The following CNTNAP2 variants were observed in gnomAD, a reference collection of about 807,000 sequenced individuals.
CNTNAP2 encodes contactin associated protein 2, also known as contactin-associated protein-like 2.
In CNTNAP2, 98 loss-of-function variants were observed where a neutral mutation model predicts 155.2. The observed-to-expected ratio is 0.63, with a 90% CI of 0.54 to 0.75. The LOEUF is 0.75. CNTNAP2 is among the 30% of genes least tolerant of loss of function. The probability of loss-of-function intolerance (pLI) is 0.00; values close to 1 mark genes in which losing one functional copy is unlikely to be tolerated. For missense variants in CNTNAP2, 1,727 were observed against 1,688.1 expected (o/e 1.02, Z -0.40); for synonymous variants, 651 against 631.2 (o/e 1.03, Z -0.47).
At chr7:146,949,579 A>G (rs926172139) in intron 3 of CNTNAP2, among the ~76,000 whole-genome samples, 1 of 152,186 alleles carries the variant, frequency 6.6e-6, no homozygotes, top group Non-Finnish European at 1.5e-5. Context: ...TGGGGCTACA[A>G]ATACCCTTGC....
intron 9 of CNTNAP2, among the ~76,000 whole-genome samples, chr7:147,371,783 T>C (rs959357314): frequency 6.6e-6 from 1 of 152,178 alleles, no homozygotes; most frequent in African/African-American, 2.4e-5. Context: ...GCACTATGTA[T>C]ACATGTCCTA....
chr7:148,118,457 C>G (rs1804524775), intron 16 of CNTNAP2, among the ~76,000 whole-genome samples, 169 bp downstream of exon 16: 1 of 152,126 alleles, frequency 6.6e-6, no homozygotes, highest in Non-Finnish European at 1.5e-5. Context: ...CAACCTCAGT[C>G]CCTGTCCTTG....
intron 1 of CNTNAP2, among the ~76,000 whole-genome samples, chr7:146,400,671 AATG>A (rs1260634829): frequency 6.6e-6 from 1 of 152,232 alleles, no homozygotes; most frequent in Non-Finnish European, 1.5e-5. Context: ...ACTAGCTTTG[AATG>A]ATAAGTTAAC....
At chr7:148,243,276 C>G (rs946993705) in intron 20 of CNTNAP2, among the ~76,000 whole-genome samples, 1 of 152,164 alleles carries the variant, frequency 6.6e-6, no homozygotes, top group African/African-American at 2.4e-5. Context: ...GGCTTGTGTG[C>G]TTAACCCCAA....
intron 8 of CNTNAP2, among the ~76,000 whole-genome samples, chr7:147,145,549 G>A (rs952648990): frequency 6.6e-6 from 1 of 152,100 alleles, no homozygotes; most frequent in Non-Finnish European, 1.5e-5. Flanking sequence ...CCCAGAGGGA[G>A]AAGCCTAGAC....
Position 147,317,814 on chromosome 7 carries a change from G to GTGTATGTATATATA in CNTNAP2, c.1498+17527_1498+17528insATGTATATATATGT, listed in dbSNP as rs1247152782. On this transcript the variant is annotated intron_variant, in intron 9 of 23. Coordinates refer to ENST00000361727, the MANE Select transcript of CNTNAP2 (RefSeq NM_014141.6). Reference sequence around the variant, plus strand: ...TGTGTGTGTGTATATGTATATATATGTGTGTGTGTGTGTGCGTGTATATAT... The same window carrying GTGTATGTATATATA: ...TGTGTGTGTGTATATGTATATATATGTGTATGTATATATATGTGTGTGTGTGTGCGTGTATATAT... Among the ~76,000 whole-genome samples, 116 of 149,036 alleles carry GTGTATGTATATATA rather than the reference G, an allele frequency of 7.8e-4. 1 individual carries two copies. Among genetic ancestry groups the GTGTATGTATATATA allele is most frequent in the Non-Finnish European group, 1.2e-3 (83 of 67,416 alleles).
intron 11 of CNTNAP2, among the ~76,000 whole-genome samples, chr7:147,559,835 A>T (rs1205421410): frequency 6.6e-6 from 1 of 151,082 alleles, no homozygotes; most frequent in Non-Finnish European, 1.5e-5. Flanking sequence ...AATCACCTAC[A>T]TCCAGTTGGA....
chr7:146,342,998 T>C (rs1794754453), intron 1 of CNTNAP2, among the ~76,000 whole-genome samples: 1 of 152,218 alleles, frequency 6.6e-6, no homozygotes, highest in Non-Finnish European at 1.5e-5. Context: ...ATAGGCATTT[T>C]CCACACTTGG....
At chr7:147,547,572 T>A (rs1799762532) in intron 11 of CNTNAP2, among the ~76,000 whole-genome samples, 1 of 152,070 alleles carries the variant, frequency 6.6e-6, no homozygotes, top group Admixed American at 6.6e-5. Context: ...TCCACTGGCA[T>A]GAGGAGCTTT....
chr7:146,711,209 CAT>C (rs1307037228), intron 1 of CNTNAP2, among the ~76,000 whole-genome samples: 8 of 148,340 alleles, frequency 5.4e-5, no homozygotes, highest in African/African-American at 2.0e-4. Context: ...CATACACACA[CAT>C]ACACATATAT....
At chr7:146,311,378 A>G (rs1042870758) in intron 1 of CNTNAP2, among the ~76,000 whole-genome samples, 6 of 152,154 alleles carry the variant, frequency 3.9e-5, no homozygotes, top group Admixed American at 2.6e-4. Flanking sequence ...TACCTAAAAC[A>G]ACAAATATTA....
At chr7:148,193,469 A>G (rs1410282288) in intron 18 of CNTNAP2, among the ~76,000 whole-genome samples, 1 of 152,196 alleles carries the variant, frequency 6.6e-6, no homozygotes, top group African/African-American at 2.4e-5. Flanking sequence ...ATTGTCATGA[A>G]ATACACATTT....
At chr7:146,919,792 C>T (rs1428851430) in intron 3 of CNTNAP2, among the ~76,000 whole-genome samples, 1 of 152,122 alleles carries the variant, frequency 6.6e-6, no homozygotes, top group Non-Finnish European at 1.5e-5. Flanking sequence ...TTGACTGTCC[C>T]ATGGAGCCTG....
intron 13 of CNTNAP2, among the ~76,000 whole-genome samples, chr7:147,900,678 G>T (rs932535286): frequency 1.3e-5 from 2 of 152,046 alleles, no homozygotes; most frequent in East Asian, 3.9e-4. Context: ...GTACAGTGGT[G>T]CAATCTCTGC....
At chr7:147,116,075 T>C (rs1454964433) in intron 5 of CNTNAP2, among the ~76,000 whole-genome samples, 2 of 152,136 alleles carry the variant, frequency 1.3e-5, no homozygotes, top group Non-Finnish European at 2.9e-5. Flanking sequence ...TCCATAGGGC[T>C]ATTGTGGTTT....
intron 3 of CNTNAP2, among the ~76,000 whole-genome samples, chr7:146,851,106 T>A (rs1794869480): frequency 6.6e-6 from 1 of 152,152 alleles, no homozygotes; most frequent in Non-Finnish European, 1.5e-5. Flanking sequence ...TGCTTCAGCC[T>A]CCTGAGTAGC....
chr7:146,755,553 A>C (rs1801981478), intron 1 of CNTNAP2, among the ~76,000 whole-genome samples: 1 of 151,996 alleles, frequency 6.6e-6, no homozygotes, highest in Non-Finnish European at 1.5e-5. Flanking sequence ...TTTTCATATT[A>C]TGTTTCAAAT....
chr7:146,144,714 G>A (rs1385342738), intron 1 of CNTNAP2, among the ~76,000 whole-genome samples: 2 of 152,158 alleles, frequency 1.3e-5, no homozygotes, highest in Admixed American at 6.6e-5. Flanking sequence ...ACATAATGAA[G>A]AAAGTGTATT....
intron 21 of CNTNAP2, among the ~76,000 whole-genome samples, chr7:148,368,993 T>A (rs544952249): frequency 7.2e-5 from 11 of 152,054 alleles, no homozygotes; most frequent in Non-Finnish European, 1.0e-4. Context: ...TAGTTTCGCT[T>A]CTCTTTCCTT....
Sources: gnomAD v4.1 joint callset for allele counts (sites outside exome capture counted in the v4.1 genomes callset) on GRCh38, gnomAD v4.1.1 for gene constraint, MANE v1.5 for transcripts, NCBI Gene and HGNC (gene_info 2026-07-23, HGNC 2026-07-21) for gene names.